The following MAP4K5 variants were observed in gnomAD, a reference collection of about 807,000 sequenced individuals.
MAP4K5 encodes MAPK/ERK kinase kinase kinase 5.
Under a neutral mutation model 135.6 loss-of-function variants are expected in MAP4K5, and 82 were observed. The ratio of observed to expected loss-of-function variants is 0.60; its 90% CI spans 0.51 to 0.73. The LOEUF (loss-of-function observed/expected upper bound fraction) is 0.73. Among genes scored for constraint, MAP4K5 ranks in the 30% least tolerant of loss-of-function variants. The pLI, the probability that MAP4K5 is intolerant of heterozygous loss-of-function variation, is 0.00. For missense variants in MAP4K5, 907 were observed against 1,010.9 expected (o/e 0.90, Z 1.39); for synonymous variants, 347 against 335.0 (o/e 1.04, Z -0.39).
At chr14:50,435,770 T>A (rs887285736) in intron 26 of MAP4K5, among the ~76,000 whole-genome samples, 1 of 152,286 alleles carries the variant, frequency 6.6e-6, no homozygotes, top group African/African-American at 2.4e-5. Flanking sequence ...TGTATTAATT[T>A]ATCATGATGT....
intron 3 of MAP4K5, among the ~76,000 whole-genome samples, chr14:50,502,753 C>T (rs868327166): frequency 3.3e-5 from 5 of 152,090 alleles, no homozygotes; most frequent in African/African-American, 7.2e-5. Flanking sequence ...GTCACTGGAA[C>T]AGAACACAAA....
chr14:50,461,310 T>G (rs1595466475), intron 13 of MAP4K5, among the ~76,000 whole-genome samples: 2 of 152,194 alleles, frequency 1.3e-5, no homozygotes, highest in East Asian at 3.9e-4. Context: ...ATTACAGGTG[T>G]GAGCCACCGT....
intron 2 of MAP4K5, 98 bp from the exon 3 acceptor site, chr14:50,504,955 T>C: frequency 1.5e-6 from 1 of 678,712 alleles, no homozygotes; most frequent in Non-Finnish European, 2.3e-6. Context: ...AACCATACTT[T>C]TATCAAAACT....
rs189113632 is a variant in MAP4K5, at chr14:50,545,994, G to T, written c.-179-3410C>A. On this transcript the variant is annotated intron_variant, in intron 1 of 8. Transcript: ENST00000555216. ...CTTTTCTGCCTGCTTTGAATCTGTT[G>T]TTATTAAACTACTGGTGTTGAAATC... Among the ~76,000 whole-genome samples the T allele has an allele frequency of 5.8e-3, 883 of 152,238 alleles. 6 individuals carry two copies. Among genetic ancestry groups the T allele is most frequent in the Non-Finnish European group, 8.8e-3 (599 of 68,024 alleles).
rs747158032 is a variant in MAP4K5, at chr14:50,486,132, T to C, written c.229A>G (p.Ile77Val). The C allele has an allele frequency of 3.5e-6, 5 of 1,410,866 alleles. No homozygotes were observed. Among genetic ancestry groups the C allele is most frequent in the Non-Finnish European group, 4.9e-6 (5 of 1,029,994 alleles). The allele number at this position is 1,410,866 out of a possible 1,614,324, so 87.4% of individuals were successfully genotyped here. A position where few individuals can be genotyped will look rare whatever the true frequency, so the allele number is the denominator to read the frequency against. The change falls in exon 4 of 33, where the codon ATC becomes GTC. Residue 77 changes from isoleucine (I) to valine (V), a missense_variant. Coordinates refer to ENST00000682126, the MANE Select transcript of MAP4K5 (RefSeq NM_006575.6). ...AGATAACTCCCAAAGTAGGCAACGA[T>C]GTTACAATGTTTACATTCTTTAACC... is the stretch of plus-strand genomic sequence containing the variant. ...FMVKECKHCN[I>V]VAYFGSYLSR...
chr14:50,431,030 C>T (rs2035957311), intron 28 of MAP4K5, among the ~76,000 whole-genome samples: 1 of 152,128 alleles, frequency 6.6e-6, no homozygotes, highest in Non-Finnish European at 1.5e-5. Flanking sequence ...CATGTTTCCC[C>T]AAGGCCACGG....
At chr14:50,500,447 TAAAA>T (rs939753912) in intron 3 of MAP4K5, among the ~76,000 whole-genome samples, 3 of 152,110 alleles carry the variant, frequency 2.0e-5, no homozygotes, top group Non-Finnish European at 2.9e-5. Flanking sequence ...ACTGTTTAAA[TAAAA>T]AGAAAACAGA....
chr14:50,534,663 A>G (rs1362232818), upstream of MAP4K5, among the ~76,000 whole-genome samples: 1 of 152,268 alleles, frequency 6.6e-6, no homozygotes. Context: ...TAGCATGGAA[A>G]AAGTCAAGAC....
chr14:50,536,180 C>G (rs1566703108), upstream of MAP4K5, among the ~76,000 whole-genome samples: 1 of 152,210 alleles, frequency 6.6e-6, no homozygotes, highest in African/African-American at 2.4e-5. Flanking sequence ...CGCCATGGCC[C>G]ATGCCTGTAA....
chr14:50,496,980 TA>T (rs770913477), intron 3 of MAP4K5, among the ~76,000 whole-genome samples: 44 of 152,330 alleles, frequency 2.9e-4, no homozygotes, highest in South Asian at 4.1e-4. Flanking sequence ...TCTGTATTAG[TA>T]AGTACTAGAT....
At chr14:50,434,036 C>G (rs2036033539) in intron 28 of MAP4K5, among the ~76,000 whole-genome samples, 1 of 152,090 alleles carries the variant, frequency 6.6e-6, no homozygotes, top group Admixed American at 6.6e-5. Context: ...GCGGGGAAGA[C>G]AGGATAAAAC....
chr14:50,498,087 A>C (rs1381745486), intron 3 of MAP4K5, among the ~76,000 whole-genome samples: 1 of 152,200 alleles, frequency 6.6e-6, no homozygotes, highest in East Asian at 1.9e-4. Context: ...ACCAATAGCT[A>C]CAGACTTGTT....
At chr14:50,486,629 A>C (rs2037368583) in intron 3 of MAP4K5, among the ~76,000 whole-genome samples, 1 of 152,140 alleles carries the variant, frequency 6.6e-6, no homozygotes, top group South Asian at 2.1e-4. Context: ...CTTATGAGTT[A>C]ATTAGAAAAA....
At chr14:50,490,875 A>C (rs1011199733) in intron 3 of MAP4K5, among the ~76,000 whole-genome samples, 25 of 152,184 alleles carry the variant, frequency 1.6e-4, no homozygotes, top group African/African-American at 5.1e-4. Flanking sequence ...ACTTGTAAAA[A>C]CATAGTAAGA....
intron 14 of MAP4K5, among the ~76,000 whole-genome samples, chr14:50,455,736 G>C (rs896346256): frequency 1.3e-5 from 2 of 151,994 alleles, no homozygotes; most frequent in African/African-American, 4.8e-5. Flanking sequence ...TTTTCCTCTA[G>C]TATGGTTTAC....
chr14:50,419,536 A>C lies in MAP4K5; in HGVS notation c.*483T>G, dbSNP rs2035677945. The C allele has an allele frequency of 6.5e-6, 1 of 154,350 alleles. No individual in the cohort carries two copies. The highest frequency in any genetic ancestry group is 1.4e-5 in the Non-Finnish European group (1 of 69,090). The allele number at this position is 154,350 out of a possible 1,614,324, so 9.6% of individuals were successfully genotyped here. On this transcript the variant is annotated 3_prime_UTR_variant, in exon 33 of 33. Transcript: ENST00000682126. ...AGATACATTACACCACTCCAGCAAGAGATTAATAAATAAGGATTAAATATT... is the reference window on the plus strand; with the variant it reads ...AGATACATTACACCACTCCAGCAAGCGATTAATAAATAAGGATTAAATATT...
chr14:50,437,548 A>T lies in MAP4K5; in HGVS notation c.1824-14T>A. On this transcript the variant is annotated splice_polypyrimidine_tract_variant and intron_variant, in intron 25 of 32. Transcript: ENST00000682126. Reference sequence around the variant, plus strand: ...AAAGCGAATTTTCTGAAAACGTAAGACGATATAAATGCACTCTACAGTAGT... The same window carrying T: ...AAAGCGAATTTTCTGAAAACGTAAGTCGATATAAATGCACTCTACAGTAGT... 6.4e-7 allele frequency: 1 copy of T among 1,573,230 alleles called. No homozygotes were observed. The highest frequency in any genetic ancestry group is 1.8e-5 in the Admixed American group (1 of 54,526).
chr14:50,456,916 T>G (rs1285345829), intron 13 of MAP4K5, among the ~76,000 whole-genome samples: 1 of 152,172 alleles, frequency 6.6e-6, no homozygotes, highest in African/African-American at 2.4e-5. Context: ...GGACTACTAT[T>G]AAAGCCCAGT....
At chr14:50,556,930 A>C (rs773584226) in intron 1 of MAP4K5, among the ~76,000 whole-genome samples, 3 of 152,184 alleles carry the variant, frequency 2.0e-5, no homozygotes, top group Non-Finnish European at 2.9e-5. Flanking sequence ...CCTTTTGGCT[A>C]TTATGAATAA....
Sources: allele counts gnomAD v4.1 joint callset (sites outside exome capture counted in the v4.1 genomes callset), GRCh38; gene constraint gnomAD v4.1.1; transcripts MANE v1.5; gene names NCBI Gene and HGNC (gene_info 2026-07-23, HGNC 2026-07-21).